The following SUFU variants were observed in gnomAD, a reference collection of about 807,000 sequenced individuals.
SUFU encodes the protein SUFU negative regulator of hedgehog signaling.
A neutral mutation model predicts 58.9 loss-of-function variants in SUFU; 7 were observed. The observed-to-expected ratio is 0.12, with a 90% CI of 0.07 to 0.22. SUFU has a LOEUF of 0.22. Among genes scored for constraint, SUFU ranks in the 10% least tolerant of loss-of-function variants. SUFU has a pLI of 1.00. For synonymous variants in SUFU, 232 were observed against 254.8 expected, an observed-to-expected ratio of 0.91 and a Z score of 0.85; for missense variants, 451 against 641.3, an observed-to-expected ratio of 0.70 and a Z score of 3.20.
intron 3 of SUFU, among the ~76,000 whole-genome samples, chr10:102,553,191 A>AT (rs1209287125): frequency 6.6e-6 from 1 of 152,108 alleles, no homozygotes; most frequent in African/African-American, 2.4e-5. Flanking sequence ...TCTACTTTAA[A>AT]TTTTTTTTAG....
At chr10:102,598,402 C>T (rs1411953787) in intron 7 of SUFU, among the ~76,000 whole-genome samples, 1 of 152,148 alleles carries the variant, frequency 6.6e-6, no homozygotes. Flanking sequence ...ACAATCCACC[C>T]GCCTCAGCCT....
At chr10:102,616,232 A>G (rs575680111) in intron 9 of SUFU, among the ~76,000 whole-genome samples, 2 of 152,304 alleles carry the variant, frequency 1.3e-5, no homozygotes, top group East Asian at 1.9e-4. Context: ...CTCTGTGCTC[A>G]GGGCTGCTGC....
chr10:102,565,501 C>T (rs1363916980), intron 3 of SUFU, among the ~76,000 whole-genome samples: 1 of 152,188 alleles, frequency 6.6e-6, no homozygotes, highest in Non-Finnish European at 1.5e-5. Context: ...CTGTATCCTA[C>T]ATTGGAGAAC....
intron 3 of SUFU, among the ~76,000 whole-genome samples, chr10:102,569,204 C>T (rs923082416): frequency 6.6e-6 from 1 of 151,864 alleles, no homozygotes; most frequent in African/African-American, 2.4e-5. Flanking sequence ...TACAGTTTGG[C>T]ACATATGCCC....
At chr10:102,559,296 C>G (rs922813890) in intron 3 of SUFU, among the ~76,000 whole-genome samples, 2 of 152,222 alleles carry the variant, frequency 1.3e-5, no homozygotes, top group East Asian at 3.9e-4. Flanking sequence ...AAGGGAATGG[C>G]CAGGAAAAGG....
chr10:102,616,842 T>A (rs2063691552), intron 9 of SUFU, among the ~76,000 whole-genome samples: 1 of 151,970 alleles, frequency 6.6e-6, no homozygotes, highest in Non-Finnish European at 1.5e-5. Flanking sequence ...CACTGAAGGG[T>A]CCCACTGCGG....
intron 8 of SUFU, among the ~76,000 whole-genome samples, chr10:102,614,521 G>A (rs1590081254): frequency 6.6e-6 from 1 of 150,976 alleles, no homozygotes; most frequent in African/African-American, 2.4e-5. Context: ...TCGTGCCACT[G>A]CACTCCAGCC....
intron 8 of SUFU, among the ~76,000 whole-genome samples, chr10:102,614,857 T>C (rs2063668225): frequency 6.8e-6 from 1 of 147,240 alleles, no homozygotes; most frequent in African/African-American, 2.5e-5. Flanking sequence ...GCCTGGGTAA[T>C]AGAACGAGAC....
rs527429977 is a variant in SUFU, at chr10:102,510,479, A to C, written c.317+1176A>C. ...TGCCTCGGCCTCCCAAAGTGCTGGG[A>C]TTACAGGCGTGACGACTGTGCCCGG... On this transcript the variant is annotated intron_variant, in intron 2 of 11. Coordinates refer to ENST00000369902, the MANE Select transcript of SUFU (RefSeq NM_016169.4). Among the ~76,000 whole-genome samples, 12 of 5,338 alleles carry C rather than the reference A, an allele frequency of 2.2e-3. No individual in the cohort carries two copies. In the South Asian group the frequency reaches 0.074, roughly 33 times the overall value. The allele number at this position is 5,338 out of a possible 152,430, so 3.5% of individuals were successfully genotyped here.
chr10:102,593,511 C>T, intron 4 of SUFU, 125 bp from the exon 5 acceptor site: 1 of 963,080 alleles, frequency 1.0e-6, no homozygotes, highest in Non-Finnish European at 1.7e-6. Context: ...GCTGCACCAG[C>T]TCCTGAGCAC....
At chr10:102,546,538 C>G (rs974832332) in intron 2 of SUFU, among the ~76,000 whole-genome samples, 3 of 152,162 alleles carry the variant, frequency 2.0e-5, no homozygotes, top group Non-Finnish European at 4.4e-5. Flanking sequence ...GACAGCCGCT[C>G]CCTAGGAGGG....
chr10:102,516,040 G>A (rs1396854752), intron 2 of SUFU, among the ~76,000 whole-genome samples: 1 of 152,062 alleles, frequency 6.6e-6, no homozygotes, highest in Non-Finnish European at 1.5e-5. Context: ...CTTTCACTTA[G>A]GGTTGGAGTT....
In SUFU at chr10:102,520,926, A is replaced by G. The variant is rs950676221; in HGVS notation, c.317+11623A>G. Reference sequence around the variant, plus strand: ...TTTGGCGATTTTTAATTAAGCTTCTATAAACATTTGTATACAGGTTTTTGT... The same window carrying G: ...TTTGGCGATTTTTAATTAAGCTTCTGTAAACATTTGTATACAGGTTTTTGT... On this transcript the variant is annotated intron_variant, in intron 2 of 11. Coordinates refer to ENST00000369902, the MANE Select transcript of SUFU (RefSeq NM_016169.4). Among the ~76,000 whole-genome samples, 6 of 152,338 alleles carry G rather than the reference A, an allele frequency of 3.9e-5. No homozygotes were observed. The East Asian group carries it at 7.7e-4, about 20-fold the overall frequency.
intron 2 of SUFU, among the ~76,000 whole-genome samples, chr10:102,514,087 A>G (rs929280834): frequency 8.6e-5 from 13 of 151,588 alleles, no homozygotes; most frequent in Non-Finnish European, 1.5e-4. Context: ...AGGTCTTGCT[A>G]TGTTGCCCAG....
chr10:102,574,518 C>T (rs1195923694), intron 3 of SUFU, among the ~76,000 whole-genome samples: 1 of 152,108 alleles, frequency 6.6e-6, no homozygotes, highest in African/African-American at 2.4e-5. Context: ...GAGGCTAAGA[C>T]GAGAGGATTG....
At chr10:102,606,019 G>C (rs1489863965) in intron 8 of SUFU, among the ~76,000 whole-genome samples, 2 of 152,210 alleles carry the variant, frequency 1.3e-5, no homozygotes, top group African/African-American at 4.8e-5. Context: ...CTGACTGAAT[G>C]GGACCAATGC....
chr10:102,504,282 C>T lies in SUFU; in HGVS notation c.130C>T (p.Leu44Phe), dbSNP rs2062292732. The T allele has an allele frequency of 6.2e-7, 1 of 1,614,118 alleles. No homozygotes were observed. Among genetic ancestry groups the T allele is most frequent in the Non-Finnish European group, 8.5e-7 (1 of 1,180,028 alleles). The change falls in exon 1 of 12, where the codon CTT (leucine) becomes TTT (phenylalanine). Residue 44 changes from leucine to phenylalanine, a missense_variant. Physicochemically the swap from Leu to Phe is conservative, Grantham distance 22 (BLOSUM62 0). Transcript: ENST00000369902. Reference protein sequence around the residue: ...LHAIYGECRRLYPDQPNPLQV... With the variant: ...LHAIYGECRRFYPDQPNPLQV... Reference sequence around the variant, plus strand: ...CGCCATCTACGGAGAGTGCCGCCGCCTTTACCCTGACCAGCCGAACCCGCT... The same window carrying T: ...CGCCATCTACGGAGAGTGCCGCCGCTTTTACCCTGACCAGCCGAACCCGCT...
chr10:102,537,967 A>C (rs2062760100), intron 2 of SUFU, among the ~76,000 whole-genome samples: 2 of 152,204 alleles, frequency 1.3e-5, no homozygotes, highest in South Asian at 4.1e-4. Flanking sequence ...ATTTTTGAGG[A>C]ACCGCCATAC....
At position 102,606,134 on chromosome 10, in the gene SUFU, A is replaced by T. The variant is rs140983085; in HGVS notation, c.1022+6590A>T. Reference sequence around the variant, plus strand: ...TGGTCTGTTATGTGTAGGTAGGGTGATCAAGGCATGTACTATGAACTGTAC... The same window carrying T: ...TGGTCTGTTATGTGTAGGTAGGGTGTTCAAGGCATGTACTATGAACTGTAC... On this transcript the variant is annotated intron_variant, in intron 8 of 11. Transcript: ENST00000369902. 2.6e-4 allele frequency among the ~76,000 whole-genome samples: 40 copies of T among 152,356 alleles called. No homozygotes were observed. The East Asian group carries it at 7.3e-3, about 28-fold the overall frequency.
Sources: allele counts gnomAD v4.1 joint callset (sites outside exome capture counted in the v4.1 genomes callset), GRCh38; gene constraint gnomAD v4.1.1; transcripts MANE v1.5; gene names NCBI Gene and HGNC (gene_info 2026-07-23, HGNC 2026-07-21).